WNT7B: variants seen among roughly 807,000 people sequenced by gnomAD.
WNT7B encodes the protein protein Wnt-7b.
WNT7B carries 19 observed loss-of-function variants against 38.2 expected under a neutral mutation model. The observed-to-expected ratio is 0.50, with a 90% CI of 0.35 to 0.73. WNT7B has a LOEUF of 0.73. WNT7B is among the 30% of genes least tolerant of loss of function. The probability of loss-of-function intolerance (pLI) is 0.01; values close to 1 mark genes in which losing one functional copy is unlikely to be tolerated. For synonymous variants in WNT7B, 243 were observed against 209.3 expected, an observed-to-expected ratio of 1.16 and a Z score of -1.39; for missense variants, 423 against 507.9, an observed-to-expected ratio of 0.83 and a Z score of 1.61.
chr22:45,971,410 G>A (rs1932435219), intron 1 of WNT7B, among the ~76,000 whole-genome samples: 1 of 152,220 alleles, frequency 6.6e-6, no homozygotes. Context: ...ACCACTGCGC[G>A]CCCCCTGGGC....
chr22:45,930,700 T>C (rs1931317267), intron 3 of WNT7B, among the ~76,000 whole-genome samples: 1 of 152,218 alleles, frequency 6.6e-6, no homozygotes, highest in African/African-American at 2.4e-5. Context: ...AAAGGCTGCC[T>C]CTGCCAGGAA....
chr22:45,964,561 T>C (rs966198056), intron 1 of WNT7B, among the ~76,000 whole-genome samples: 1 of 152,004 alleles, frequency 6.6e-6, no homozygotes, highest in African/African-American at 2.4e-5. Context: ...AGTGGTGAAG[T>C]CACCCTGGGA....
rs1932320285 is a variant in WNT7B, at chr22:45,966,707, G to A, written c.71+9977C>T. On this transcript the variant is annotated intron_variant, in intron 1 of 3. Coordinates refer to ENST00000339464, the MANE Select transcript of WNT7B (RefSeq NM_058238.3). This position sits in a 1 kb window ranked among gnomAD's most constrained non-coding sequence, Gnocchi z 4.2. The stretch of plus-strand genomic sequence containing the variant: ...TGCACACAGCCTCAGACCCAGCCTC[G>A]TGGCAGCTCCAGCACCTCAGCTGCC... Among the ~76,000 whole-genome samples, 1 of 152,210 alleles carries A rather than the reference G, an allele frequency of 6.6e-6. No individual in the cohort carries two copies. Among genetic ancestry groups the A allele is most frequent in the Non-Finnish European group, 1.5e-5 (1 of 68,046 alleles).
chr22:45,927,731 A>G (rs994689023), intron 3 of WNT7B, among the ~76,000 whole-genome samples: 2 of 147,006 alleles, frequency 1.4e-5, no homozygotes, highest in Non-Finnish European at 1.5e-5. Flanking sequence ...CCCCATCTCT[A>G]CTAACAATAC....
At chr22:45,927,308 A>G (rs1931116186) in intron 3 of WNT7B, 1 of 985,272 alleles carries the variant, frequency 1.0e-6, no homozygotes, top group African/African-American at 1.7e-5. Flanking sequence ...CCCGCCCCCC[A>G]GGGAGCTTGG....
At chr22:45,945,449 T>C (rs1931771470) in intron 2 of WNT7B, among the ~76,000 whole-genome samples, 2 of 152,232 alleles carry the variant, frequency 1.3e-5, no homozygotes, top group South Asian at 4.1e-4. Flanking sequence ...CAATATGTAA[T>C]CAGTAGAAGA....
chr22:45,939,651 A>ACT (rs1238271647), intron 2 of WNT7B, among the ~76,000 whole-genome samples: 1 of 92,734 alleles, frequency 1.1e-5, no homozygotes, highest in African/African-American at 3.2e-5. Flanking sequence ...ACACACACTC[A>ACT]CACACACACA....
At chr22:45,929,649 C>G (rs1347135896) in intron 3 of WNT7B, among the ~76,000 whole-genome samples, 1 of 127,468 alleles carries the variant, frequency 7.8e-6, no homozygotes, top group South Asian at 2.5e-4. Context: ...TCCACTCATC[C>G]ATCCTTCCAC....
intron 2 of WNT7B, among the ~76,000 whole-genome samples, chr22:45,936,803 C>T (rs971792842): frequency 2.0e-5 from 3 of 152,236 alleles, no homozygotes; most frequent in Non-Finnish European, 4.4e-5. Context: ...TCTTTGTGAG[C>T]AGCTTCTAGA....
chr22:45,933,122 G>A (rs754985517), intron 2 of WNT7B, among the ~76,000 whole-genome samples: 5 of 152,186 alleles, frequency 3.3e-5, no homozygotes, highest in African/African-American at 4.8e-5. Flanking sequence ...GGACTGGGAT[G>A]GGGCCCACCA....
intron 2 of WNT7B, among the ~76,000 whole-genome samples, chr22:45,932,419 C>CCA (rs980157017): frequency 9.9e-5 from 15 of 152,046 alleles, no homozygotes; most frequent in Admixed American, 2.6e-4. Context: ...TTCCCAGACC[C>CCA]CCCCCGCCAG....
rs965982062 is a variant in WNT7B, at chr22:45,925,571, C to CTCCTGTCCCTCTCCCA, written c.571-2252_571-2237dup. ...GAGTATATTGGGACCTCCTCCCTGC[C>CTCCTGTCCCTCTCCCA]TCCTGTCCCTCTCCCATCCTGTCCA... is the stretch of plus-strand genomic sequence containing the variant. On this transcript the variant is annotated intron_variant, in intron 3 of 3. Transcript: ENST00000339464. The CTCCTGTCCCTCTCCCA allele has an allele frequency of 1.4e-5, 14 of 985,216 alleles. No homozygotes were observed. In the Admixed American group the frequency reaches 5.5e-4, roughly 39 times the overall value. 61.0% of individuals were successfully genotyped at this position (985,216 alleles called of 1,614,324 possible).
rs374004682 is a variant in WNT7B at position 45,926,267 on chromosome 22, C to A, written c.571-2932G>T. On this transcript the variant is annotated intron_variant, in intron 3 of 3. Coordinates refer to ENST00000339464, the MANE Select transcript of WNT7B (RefSeq NM_058238.3). Reference sequence around the variant, plus strand: ...GGTGGTGCCAGCACTGAGACCGGCCCCCTGCCCCAAGAGACCACCTGGCAG... The same window carrying A: ...GGTGGTGCCAGCACTGAGACCGGCCACCTGCCCCAAGAGACCACCTGGCAG... 18 of 985,384 alleles carry A rather than the reference C, an allele frequency of 1.8e-5. No homozygotes were observed. The East Asian group carries it at 1.6e-3, about 87-fold the overall frequency. 61.0% of individuals were successfully genotyped at this position (985,384 alleles called of 1,614,324 possible). A position where few individuals can be genotyped will look rare whatever the true frequency, so the allele number is the denominator to read the frequency against.
At chr22:45,972,019 C>A (rs1051195664) in intron 1 of WNT7B, 7 of 453,114 alleles carry the variant, frequency 1.5e-5, no homozygotes, top group African/African-American at 6.3e-5. Flanking sequence ...CTAAAGTCCC[C>A]CGGCTCCCGC....
rs367679367 is a variant in WNT7B at position 45,947,807 on chromosome 22, G to A, written c.298+2113C>T. The stretch of plus-strand genomic sequence containing the variant: ...CTGCCAAAATGTTTGCTTCTGAAAC[G>A]CTCGGGAAAGCAACAGGGGTGTCTT... On this transcript the variant is annotated intron_variant, in intron 2 of 3. Transcript: ENST00000339464. Among the ~76,000 whole-genome samples, 13 of 152,310 alleles carry A rather than the reference G, an allele frequency of 8.5e-5. No homozygotes were observed. In the East Asian group the frequency reaches 1.7e-3, roughly 20 times the overall value.
At chr22:45,959,259 C>T (rs1029123517) in intron 1 of WNT7B, among the ~76,000 whole-genome samples, 24 of 152,188 alleles carry the variant, frequency 1.6e-4, no homozygotes, top group African/African-American at 4.3e-4. Flanking sequence ...GGCAGCAGCG[C>T]GGCCGTGGGC....
At chr22:45,956,835 C>A (rs545684542) in intron 1 of WNT7B, among the ~76,000 whole-genome samples, 1 of 152,178 alleles carries the variant, frequency 6.6e-6, no homozygotes, top group African/African-American at 2.4e-5. Context: ...CGGCCAGGCG[C>A]GGTGGCTCAC....
rs61735050 is a variant in WNT7B at position 45,923,012 on chromosome 22, C to T, written c.894G>A (p.Ser298=). Residue 298 remains serine, a synonymous_variant, in exon 4 of 4, where the codon TCG becomes TCA. Transcript: ENST00000339464. ...TGGTGTCACAGCCGTCCGCGCCGGG[C>T]GACGTGCGGTTGCAGAGACGGCCCT... ...GTQGRLCNRT[S]PGADGCDTMC... The T allele has an allele frequency of 1.7e-4, 272 of 1,612,874 alleles. No homozygotes were observed. In the African/African-American group the frequency reaches 2.6e-3, roughly 15 times the overall value.
At chr22:45,925,124 GC>G (rs1396257832) in intron 3 of WNT7B, 1 of 969,466 alleles carries the variant, frequency 1.0e-6, no homozygotes, top group Non-Finnish European at 1.2e-6. Context: ...TGCTGGGTGG[GC>G]CCTAGGCTGG....
Sources: gnomAD v4.1 joint callset for allele counts (sites outside exome capture counted in the v4.1 genomes callset) on GRCh38, gnomAD v4.1.1 for gene constraint, Gnocchi (gnomAD v3.1) non-coding constraint, MANE v1.5 for transcripts, NCBI Gene and HGNC (gene_info 2026-07-23, HGNC 2026-07-21) for gene names.